Variants in PSD3 observed in about 807,000 individuals in gnomAD.
PSD3 encodes the protein pleckstrin and Sec7 domain containing 3.
A neutral mutation model predicts 105.5 loss-of-function variants in PSD3; 49 were observed. The ratio of observed to expected loss-of-function variants is 0.46; its 90% confidence interval spans 0.37 to 0.59. PSD3 has a LOEUF of 0.59. Among genes scored for constraint, PSD3 ranks in the 20% least tolerant of loss-of-function variants. The pLI, the probability that PSD3 is intolerant of heterozygous loss-of-function variation, is 0.00. For missense variants in PSD3, 1,561 were observed against 1,263.8 expected, an observed-to-expected ratio of 1.24 and a Z score of -3.57; for synonymous variants, 557 against 457.8, an observed-to-expected ratio of 1.22 and a Z score of -2.77.
At chr8:19,054,191 G>A (rs1828630834) in intron 1 of PSD3, among the ~76,000 whole-genome samples, 1 of 152,208 alleles carries the variant, frequency 6.6e-6, no homozygotes, top group Non-Finnish European at 1.5e-5. Flanking sequence ...ATGGAGTCAT[G>A]TAAGTGAGGG....
intron 10 of PSD3, among the ~76,000 whole-genome samples, chr8:18,642,002 C>T (rs1385726749): frequency 2.0e-5 from 3 of 152,022 alleles, no homozygotes; most frequent in African/African-American, 7.2e-5. Flanking sequence ...ACACAGGAAT[C>T]CTAAAAGTAA....
intron 9 of PSD3, among the ~76,000 whole-genome samples, chr8:18,668,028 G>T (rs772824645): frequency 3.3e-5 from 5 of 152,212 alleles, no homozygotes; most frequent in Non-Finnish European, 7.3e-5. Flanking sequence ...TGGCCCGCAA[G>T]CTCCGCGCGC....
chr8:18,996,338 T>C (rs569869146), intron 1 of PSD3, among the ~76,000 whole-genome samples: 1 of 152,056 alleles, frequency 6.6e-6, no homozygotes, highest in East Asian at 1.9e-4. Flanking sequence ...CTCAGATCCA[T>C]GCATATTGCA....
chr8:18,974,935 G>A (rs74474478), intron 1 of PSD3, among the ~76,000 whole-genome samples: 1 of 152,216 alleles, frequency 6.6e-6, no homozygotes, highest in East Asian at 1.9e-4. Context: ...CTTTTTCCTT[G>A]ACCAGAAGGG....
chr8:18,549,957 G>A (rs994607798), intron 15 of PSD3, among the ~76,000 whole-genome samples: 1 of 152,152 alleles, frequency 6.6e-6, no homozygotes, highest in Non-Finnish European at 1.5e-5. Flanking sequence ...AGGAAACTGA[G>A]GTTCAGAAAG....
intron 4 of PSD3, among the ~76,000 whole-genome samples, chr8:18,818,593 G>A (rs1012270751): frequency 1.3e-5 from 2 of 151,864 alleles, no homozygotes; most frequent in Admixed American, 1.3e-4. Context: ...TCAGTTATTG[G>A]GCACAAGACA....
chr8:18,996,535 G>T (rs1354974645), intron 1 of PSD3, among the ~76,000 whole-genome samples: 1 of 151,898 alleles, frequency 6.6e-6, no homozygotes, highest in Non-Finnish European at 1.5e-5. Context: ...GTTTACAACA[G>T]TAAGCTAGAT....
intron 2 of PSD3, among the ~76,000 whole-genome samples, chr8:18,906,448 G>C (rs970876627): frequency 6.6e-6 from 1 of 152,206 alleles, no homozygotes; most frequent in African/African-American, 2.4e-5. Context: ...ATAGTTAGGA[G>C]CAAACGGGTG....
intron 1 of PSD3, among the ~76,000 whole-genome samples, chr8:19,079,183 T>C (rs1020351675): frequency 6.6e-6 from 1 of 151,992 alleles, no homozygotes; most frequent in Non-Finnish European, 1.5e-5. Flanking sequence ...CTAAGGCAAA[T>C]CACAAGATGA....
intron 9 of PSD3, among the ~76,000 whole-genome samples, chr8:18,694,751 G>A (rs755402690): frequency 3.3e-5 from 5 of 151,992 alleles, no homozygotes; most frequent in African/African-American, 1.2e-4. Context: ...CAAGACAGGC[G>A]GATCACTTGA....
At chr8:19,064,616 G>A (rs986057487) in intron 1 of PSD3, among the ~76,000 whole-genome samples, 1 of 152,122 alleles carries the variant, frequency 6.6e-6, no homozygotes, top group Non-Finnish European at 1.5e-5. Flanking sequence ...TCTTCTGAAT[G>A]TGATGAGGTC....
intron 12 of PSD3, among the ~76,000 whole-genome samples, chr8:18,594,973 GA>G (rs1354928960): frequency 1.3e-5 from 2 of 151,824 alleles, no homozygotes; most frequent in African/African-American, 4.8e-5. Flanking sequence ...GCATATGTAG[GA>G]AAAATATACA....
intron 9 of PSD3, among the ~76,000 whole-genome samples, chr8:18,678,263 T>C (rs1388444947): frequency 1.3e-5 from 2 of 152,166 alleles, no homozygotes; most frequent in East Asian, 1.9e-4. Context: ...TTTGACCTAA[T>C]AGTTTAAGTT....
chr8:18,877,539 CTTTT>C (rs61667418), intron 2 of PSD3, among the ~76,000 whole-genome samples: 10 of 138,134 alleles, frequency 7.2e-5, no homozygotes, highest in Non-Finnish European at 1.2e-4. Context: ...AGATGCCTAT[CTTTT>C]TTTTTTTTTT....
At chr8:19,046,641 C>T (rs934304093) in intron 1 of PSD3, among the ~76,000 whole-genome samples, 5 of 152,168 alleles carry the variant, frequency 3.3e-5, no homozygotes, top group African/African-American at 1.2e-4. Flanking sequence ...CCTTGAGTTT[C>T]CAAGACAAGC....
intron 4 of PSD3, among the ~76,000 whole-genome samples, chr8:18,839,093 T>G (rs1001017487): frequency 6.6e-6 from 1 of 151,878 alleles, no homozygotes; most frequent in Non-Finnish European, 1.5e-5. Context: ...CACTACTTCC[T>G]GCACTGAGCT....
chr8:18,550,410 G>A (rs1800689320), intron 15 of PSD3, among the ~76,000 whole-genome samples: 1 of 152,172 alleles, frequency 6.6e-6, no homozygotes, highest in Admixed American at 6.5e-5. Flanking sequence ...TGGACTCAGG[G>A]TATAAACTGT....
At chr8:18,863,161 T>A (rs918963981) in intron 4 of PSD3, among the ~76,000 whole-genome samples, 9 of 152,224 alleles carry the variant, frequency 5.9e-5, no homozygotes, top group Admixed American at 2.0e-4. Context: ...TATTTGCTAT[T>A]TCTTTTTCTC....
At chr8:18,664,989 T>C (rs1219915706) in intron 9 of PSD3, among the ~76,000 whole-genome samples, 1 of 152,226 alleles carries the variant, frequency 6.6e-6, no homozygotes, top group Non-Finnish European at 1.5e-5. Context: ...AAAATGTTAC[T>C]GGTCATTAAC....
Sources: allele counts gnomAD v4.1 joint callset (sites outside exome capture counted in the v4.1 genomes callset), GRCh38; gene constraint gnomAD v4.1.1; transcripts MANE v1.5; gene names NCBI Gene and HGNC (gene_info 2026-07-23, HGNC 2026-07-21).